The following ARHGAP29 variants were observed in gnomAD, a reference collection of about 807,000 sequenced individuals.
The protein encoded by ARHGAP29 is Rho GTPase activating protein 29.
Under a neutral mutation model 122.6 loss-of-function variants are expected in ARHGAP29, and 43 were observed. The ratio of observed to expected loss-of-function variants is 0.35; its 90% CI spans 0.27 to 0.45. The LOEUF (loss-of-function observed/expected upper bound fraction) is 0.45, where lower values mean the gene tolerates loss of function less well. Among genes scored for constraint, ARHGAP29 ranks in the 20% least tolerant of loss-of-function variants. The pLI is 1.00. For synonymous variants in ARHGAP29, 506 were observed against 497.1 expected (o/e 1.02, Z -0.24); for missense variants, 1,303 against 1,477.2 (o/e 0.88, Z 1.93).
At position 94,179,634 on chromosome 1, in the gene ARHGAP29, TA is replaced by T; in HGVS notation, c.2480+90del. 1.0e-5 allele frequency: 6 copies of T among 583,860 alleles called. No individual in the cohort carries two copies. In the South Asian group the frequency reaches 1.6e-4, roughly 16 times the overall value. The allele number at this position is 583,860 out of a possible 1,614,324, so 36.2% of individuals were successfully genotyped here. On this transcript the variant is annotated intron_variant, in intron 20 of 22. Coordinates refer to ENST00000260526, the MANE Select transcript of ARHGAP29 (RefSeq NM_004815.4). ...AAAAAAAAAAGAATGGCTAAGAAAGTAAATTTTGTTATGTGGATTTTACCAC... is the reference window on the plus strand; with the variant it reads ...AAAAAAAAAAGAATGGCTAAGAAAGTAATTTTGTTATGTGGATTTTACCAC...
upstream of ARHGAP29, among the ~76,000 whole-genome samples, chr1:94,277,042 T>G (rs1655218148): frequency 1.3e-5 from 2 of 152,196 alleles, no homozygotes; most frequent in Non-Finnish European, 2.9e-5. Flanking sequence ...TACTGTGGCC[T>G]TTATGAATAC....
chr1:94,260,453 T>C (rs1214824496), intron 1 of ARHGAP29, among the ~76,000 whole-genome samples: 1 of 152,226 alleles, frequency 6.6e-6, no homozygotes, highest in African/African-American at 2.4e-5. Context: ...TATCCCATCC[T>C]CAGCTGATTC....
At position 94,189,305 on chromosome 1, in the gene ARHGAP29, G is replaced by C. The variant is rs1649995522; in HGVS notation, c.1487C>G (p.Pro496Arg). The C allele has an allele frequency of 1.2e-6, 2 of 1,612,628 alleles. No homozygotes were observed. Among genetic ancestry groups the C allele is most frequent in the Middle Eastern group, 1.6e-4 (1 of 6,080 alleles). Residue 496 changes from proline to arginine, a missense_variant, in exon 14 of 23, where the codon CCT becomes CGT. This residue lies in a region of ARHGAP29 where 592 missense variants were observed against 648.2 expected (regional missense o/e 0.91). Coordinates refer to ENST00000260526, the MANE Select transcript of ARHGAP29 (RefSeq NM_004815.4). ...LNSSQPSGFG[P>R]ANSLEDVVRL... ...TACAACATCCTCTAAAGAGTTGGCA[G>C]GTCCAAATCCTGAAGGTTGGGAACT...
At chr1:94,224,058 C>T (rs1652479881) in intron 2 of ARHGAP29, among the ~76,000 whole-genome samples, 1 of 152,202 alleles carries the variant, frequency 6.6e-6, no homozygotes, top group East Asian at 1.9e-4. Context: ...ATCCACCGGC[C>T]TTGGCCTCCC....
At chr1:94,214,191 G>A (rs1053445988) in intron 3 of ARHGAP29, among the ~76,000 whole-genome samples, 2 of 152,156 alleles carry the variant, frequency 1.3e-5, no homozygotes, top group African/African-American at 4.8e-5. Flanking sequence ...TTATTGAGAG[G>A]AATGACTGAG....
At chr1:94,189,458 A>G in intron 13 of ARHGAP29, 106 bp from the exon 14 acceptor site, 1 of 1,307,072 alleles carries the variant, frequency 7.7e-7, no homozygotes, top group Non-Finnish European at 1.0e-6. Context: ...ACAATCATAG[A>G]AGAATTAAAC....
At chr1:94,262,926 A>C (rs1654618544) in intron 1 of ARHGAP29, among the ~76,000 whole-genome samples, 1 of 152,246 alleles carries the variant, frequency 6.6e-6, no homozygotes. Context: ...TCGTTCTACC[A>C]TAAAGACACA....
intron 1 of ARHGAP29, among the ~76,000 whole-genome samples, chr1:94,235,880 G>A (rs1653218599): frequency 6.6e-6 from 1 of 152,114 alleles, no homozygotes; most frequent in South Asian, 2.1e-4. Context: ...TCAAATGTCC[G>A]CTGCCCCACG....
chr1:94,174,474 C>T lies in ARHGAP29; in HGVS notation c.3181G>A (p.Ala1061Thr), dbSNP rs141653334. The change falls in exon 23 of 23, where the codon GCT becomes ACT. Residue 1061 changes from alanine to threonine, a missense_variant. Physicochemically the swap from Ala to Thr is moderately conservative, Grantham distance 58. Transcript: ENST00000260526. The part of the protein sequence containing the change: ...PAFEGVNRKD[A>T]ATTVCSKFNG... ...AATTTGGAACAAACAGTAGTAGCAG[C>T]GTCTTTTCTATTAACTCCTTCAAAG... 1.6e-4 allele frequency: 251 copies of T among 1,614,168 alleles called. 2 individuals carry two copies. The highest frequency in any genetic ancestry group is 8.7e-4 in the South Asian group (79 of 91,076).
intron 1 of ARHGAP29, among the ~76,000 whole-genome samples, chr1:94,234,028 A>G: frequency 6.6e-6 from 1 of 152,168 alleles, no homozygotes; most frequent in East Asian, 1.9e-4. Flanking sequence ...TCCTCAAAGA[A>G]ACGTTCCTGG....
chr1:94,269,875 C>T (rs1387931317), intron 1 of ARHGAP29, among the ~76,000 whole-genome samples: 1 of 152,070 alleles, frequency 6.6e-6, no homozygotes, highest in East Asian at 1.9e-4. Flanking sequence ...GGTTGAAGCT[C>T]CGTTTACTGG....
At chr1:94,219,848 C>T (rs576486683) in intron 3 of ARHGAP29, among the ~76,000 whole-genome samples, 20 of 152,132 alleles carry the variant, frequency 1.3e-4, no homozygotes, top group African/African-American at 4.8e-4. Context: ...AGATAAGGTC[C>T]CAATTAAGCC....
At chr1:94,175,887 TA>T (rs1434312908) in intron 22 of ARHGAP29, among the ~76,000 whole-genome samples, 13 of 152,074 alleles carry the variant, frequency 8.5e-5, no homozygotes, top group Admixed American at 8.5e-4. Flanking sequence ...GTATTTTTAA[TA>T]GAGACAGGGT....
chr1:94,174,525 A>C lies in ARHGAP29; in HGVS notation c.3130T>G (p.Leu1044Val), dbSNP rs771456059. 1 of 1,614,158 alleles carries C rather than the reference A, an allele frequency of 6.2e-7. No homozygotes were observed. The highest frequency in any genetic ancestry group is 1.1e-5 in the South Asian group (1 of 91,076). ...GCAGGATTCTTGCAAAACTTGTCTA[A>C]ATTTACATTTCCCATATTTCTGCCA... ...RNGRNMGNVNLDKFCKNPAFE... is the reference protein window; with the variant it reads ...RNGRNMGNVNVDKFCKNPAFE... The change falls in exon 23 of 23, where the codon TTA becomes GTA. Residue 1044 changes from leucine (L) to valine (V), a missense_variant. Around this residue, in one of 3 missense-constraint regions of ARHGAP29, gnomAD observed 620 missense variants for 651.2 expected, o/e 0.95. Coordinates refer to ENST00000260526, the MANE Select transcript of ARHGAP29 (RefSeq NM_004815.4).
At position 94,184,255 on chromosome 1, in the gene ARHGAP29, T is replaced by C. The variant is rs1327878170; in HGVS notation, c.2143A>G (p.Thr715Ala). ...TCCAAAGCTTGACACAATTTTTCAGTTTTTATTTTGTTTCCACACACACGA... is the reference window on the plus strand; with the variant it reads ...TCCAAAGCTTGACACAATTTTTCAGCTTTTATTTTGTTTCCACACACACGA... ...IYRVCGNKIK[T>A]EKLCQALENG... is the part of the protein sequence containing the mutation. Residue 715 changes from threonine to alanine, a missense_variant, in exon 19 of 23, where the codon ACT (threonine) becomes GCT (alanine). Thr to Ala is a moderately conservative substitution (Grantham distance 58). Coordinates refer to ENST00000260526, the MANE Select transcript of ARHGAP29 (RefSeq NM_004815.4). 1.2e-6 allele frequency: 2 copies of C among 1,611,684 alleles called. No homozygotes were observed. The highest frequency in any genetic ancestry group is 1.7e-6 in the Non-Finnish European group (2 of 1,179,326).
the ARHGAP29 span, among the ~76,000 whole-genome samples, chr1:94,303,849 C>T: frequency 6.6e-6 from 1 of 152,206 alleles, no homozygotes; most frequent in Non-Finnish European, 1.5e-5. Flanking sequence ...CTGCTATTTT[C>T]TATTATGCCA....
intron 2 of ARHGAP29, among the ~76,000 whole-genome samples, chr1:94,224,406 T>A (rs950818385): frequency 2.0e-5 from 3 of 152,192 alleles, no homozygotes; most frequent in African/African-American, 7.2e-5. Flanking sequence ...AGCTTGATTT[T>A]CAGAATGCCA....
the ARHGAP29 span, among the ~76,000 whole-genome samples, chr1:94,288,533 T>G: frequency 2.3e-4 from 35 of 152,344 alleles, no homozygotes; most frequent in African/African-American, 8.4e-4. Flanking sequence ...TGGCTTTTGT[T>G]GCCATTGCTT....
At chr1:94,286,005 C>T in the ARHGAP29 span, among the ~76,000 whole-genome samples, 1 of 151,776 alleles carries the variant, frequency 6.6e-6, no homozygotes, top group Non-Finnish European at 1.5e-5. Flanking sequence ...GCAAGTAATA[C>T]ACTGTCTTAG....
Sources: gnomAD v4.1 joint callset for allele counts (sites outside exome capture counted in the v4.1 genomes callset) on GRCh38, gnomAD v4.1.1 for gene constraint, gnomAD v4.1.1 regional missense constraint, MANE v1.5 for transcripts, NCBI Gene and HGNC (gene_info 2026-07-23, HGNC 2026-07-21) for gene names.